The following TCN2 variants were observed in gnomAD, a reference collection of about 807,000 sequenced individuals.
TCN2 encodes the protein transcobalamin 2.
A neutral mutation model predicts 48.6 loss-of-function variants in TCN2; 34 were observed. The ratio of observed to expected loss-of-function variants is 0.70; its 90% confidence interval spans 0.53 to 0.93. The LOEUF (loss-of-function observed/expected upper bound fraction) is 0.93. TCN2 is among the 40% of genes least tolerant of loss of function. TCN2 has a pLI of 0.00. For synonymous variants in TCN2, 283 were observed against 212.5 expected, an observed-to-expected ratio of 1.33 and a Z score of -2.89; for missense variants, 652 against 526.1, an observed-to-expected ratio of 1.24 and a Z score of -2.34.
At chr22:30,617,225 A>C (rs949384125) in intron 6 of TCN2, 105 bp from the exon 7 acceptor site, 11 of 1,497,274 alleles carry the variant, frequency 7.3e-6, no homozygotes, top group African/African-American at 5.5e-5. Flanking sequence ...AGATGAGGAC[A>C]TGGGGAAGGA....
At chr22:30,610,310 G>C in intron 1 of TCN2, 1 of 470,748 alleles carries the variant, frequency 2.1e-6, no homozygotes, top group Admixed American at 2.4e-5. Flanking sequence ...CCAGCTGGAA[G>C]TTTGCGTTGT....
intron 7 of TCN2, 133 bp from the exon 8 acceptor site, chr22:30,622,835 T>G (rs1602055541): frequency 1.2e-6 from 1 of 866,052 alleles, no homozygotes. Flanking sequence ...TGTGGCCAGG[T>G]GGCCTGGGAA....
intron 8 of TCN2, among the ~76,000 whole-genome samples, chr22:30,626,050 C>T (rs536655170): frequency 6.6e-6 from 1 of 152,254 alleles, no homozygotes; most frequent in East Asian, 1.9e-4. Flanking sequence ...TCCAGAGTCA[C>T]AGCAGTAATG....
chr22:30,612,482 G>A lies in TCN2; in HGVS notation c.258-391G>A, dbSNP rs186640922. Among the ~76,000 whole-genome samples the A allele has an allele frequency of 9.9e-5, 15 of 151,950 alleles. No individual in the cohort carries two copies. In the East Asian group the frequency reaches 2.3e-3, roughly 24 times the overall value. On this transcript the variant is annotated intron_variant, in intron 2 of 8. Transcript: ENST00000215838. ...GAAGAATCGCTTGAACTCGGGAGGC[G>A]GAGGTTGCAGTGAGCTGAGAACATG... is the stretch of plus-strand genomic sequence containing the variant.
chr22:30,618,300 C>G (rs1460760580), intron 7 of TCN2, among the ~76,000 whole-genome samples: 1 of 151,024 alleles, frequency 6.6e-6, no homozygotes, highest in Non-Finnish European at 1.5e-5. Flanking sequence ...GAGTCTCACT[C>G]TATTACCCAG....
intron 8 of TCN2, among the ~76,000 whole-genome samples, chr22:30,624,790 C>T (rs995159950): frequency 6.6e-6 from 1 of 152,198 alleles, no homozygotes; most frequent in Non-Finnish European, 1.5e-5. Context: ...CTTCCCAAAT[C>T]AACCAGTTGC....
At chr22:30,623,947 C>CATATATACACACACAT (rs1405645109) in intron 8 of TCN2, among the ~76,000 whole-genome samples, 6,297 of 26,684 alleles carry the variant, frequency 0.24, 2,318 homozygotes, top group Middle Eastern at 0.5. Flanking sequence ...TACACACACA[C>CATATATACACACACAT]ATATGTATAC....
chr22:30,611,138 C>G, intron 2 of TCN2, 75 bp downstream of exon 2: 1 of 1,593,840 alleles, frequency 6.3e-7, no homozygotes, highest in South Asian at 1.1e-5. Flanking sequence ...TAGTTTGGGC[C>G]TGTCACCACT....
rs9606756 is a variant in TCN2, at chr22:30,610,873, A to G, written c.67A>G (p.Ile23Val). The change falls in exon 2 of 9, where the codon ATA becomes GTA. Residue 23 changes from isoleucine (I) to valine (V), a missense_variant and splice_region_variant. By Grantham distance (29) the Ile-to-Val change is conservative. Transcript: ENST00000215838. ...VLGALTEMCE[I>V]PEMDSHLVEK... ...TTTGTACCATTTTCTTTTCTAAGAA[A>G]TACCAGAGATGGACAGCCATCTGGT... The G allele has an allele frequency of 0.12, 196,685 of 1,613,936 alleles. 12,749 individuals carry two copies. The highest frequency in any genetic ancestry group is 0.16 in the Admixed American group (9,803 of 60,006).
chr22:30,617,117 G>A (rs905070645), intron 6 of TCN2, among the ~76,000 whole-genome samples: 1 of 151,404 alleles, frequency 6.6e-6, no homozygotes, highest in African/African-American at 2.4e-5. Flanking sequence ...GAGGGACAGG[G>A]GAGGCCGGGA....
At chr22:30,618,936 A>T (rs2087656673) in intron 7 of TCN2, among the ~76,000 whole-genome samples, 1 of 152,068 alleles carries the variant, frequency 6.6e-6, no homozygotes, top group Admixed American at 6.6e-5. Flanking sequence ...TACCTGGCTA[A>T]TGTTTATATT....
In TCN2 at chr22:30,626,542, A is replaced by T. The variant is rs1244210879; in HGVS notation, c.*21A>T. 1.2e-6 allele frequency: 2 copies of T among 1,613,752 alleles called. No individual in the cohort carries two copies. The highest frequency in any genetic ancestry group is 3.3e-5 in the Admixed American group (2 of 60,014). ...GGTAGCCCCTGAGCTCCCTCATCCC[A>T]GCAGCCTCGCACACTCCCTAGGCTT... is the stretch of plus-strand genomic sequence containing the variant. On this transcript the variant is annotated 3_prime_UTR_variant, in exon 9 of 9. Transcript: ENST00000215838.
In TCN2 at chr22:30,626,554, C is replaced by T. The variant is rs1185637749; in HGVS notation, c.*33C>T. ...GCTCCCTCATCCCAGCAGCCTCGCA[C>T]ACTCCCTAGGCTTCTACCCTCCCTC... On this transcript the variant is annotated 3_prime_UTR_variant, in exon 9 of 9. Coordinates refer to ENST00000215838, the MANE Select transcript of TCN2 (RefSeq NM_000355.4). The T allele has an allele frequency of 4.3e-6, 7 of 1,611,508 alleles. No homozygotes were observed. The Admixed American group carries it at 6.7e-5, about 15-fold the overall frequency.
intron 7 of TCN2, 42 bp downstream of exon 7, chr22:30,617,537 C>T (rs1171894742): frequency 6.2e-7 from 1 of 1,613,214 alleles, no homozygotes; most frequent in Non-Finnish European, 8.5e-7. Flanking sequence ...CCCAACCTCA[C>T]ATGCCTGATA....
chr22:30,613,276 T>G (rs963701471), intron 3 of TCN2, among the ~76,000 whole-genome samples: 2 of 152,094 alleles, frequency 1.3e-5, no homozygotes, highest in African/African-American at 4.8e-5. Context: ...GTTTTTTGTT[T>G]TTTGTTTGTT....
In TCN2 at chr22:30,608,014, C is replaced by G. The variant is rs574738577; in HGVS notation, c.64+619C>G. On this transcript the variant is annotated intron_variant, in intron 1 of 8. Coordinates refer to ENST00000215838, the MANE Select transcript of TCN2 (RefSeq NM_000355.4). ...TTCTAGGCAGCAGGAAGTGAGCCTT[C>G]GGAGGTCCTGCCTGCTCCAGCTCTG... 2.6e-5 allele frequency among the ~76,000 whole-genome samples: 4 copies of G among 152,256 alleles called. No homozygotes were observed. In the South Asian group the frequency reaches 8.3e-4, roughly 32 times the overall value.
At chr22:30,626,228 GC>G (rs374335708) in intron 8 of TCN2, among the ~76,000 whole-genome samples, 11 of 152,084 alleles carry the variant, frequency 7.2e-5, no homozygotes, top group African/African-American at 2.7e-4. Context: ...AAAGACAGTG[GC>G]CCTGCCTGTC....
chr22:30,607,379 C>T lies in TCN2; in HGVS notation c.48C>T (p.Ala16=). The T allele has an allele frequency of 6.2e-7, 1 of 1,614,088 alleles. No individual in the cohort carries two copies. The highest frequency in any genetic ancestry group is 8.5e-7 in the Non-Finnish European group (1 of 1,180,006). The change falls in exon 1 of 9, where the codon GCC becomes GCT. Residue 16 remains alanine, a synonymous_variant. Coordinates refer to ENST00000215838, the MANE Select transcript of TCN2 (RefSeq NM_000355.4). ...AFLFLLGVLG[A]LTEMCEIPEM... is the part of the protein sequence containing the mutation. ...TCTTCCTTCTGGGGGTCCTGGGGGC[C>T]CTCACTGAGATGTGTGGTGAGTAAC...
intron 4 of TCN2, 97 bp downstream of exon 4, chr22:30,614,598 T>C: frequency 6.6e-7 from 1 of 1,524,380 alleles, no homozygotes; most frequent in Non-Finnish European, 8.9e-7. Context: ...CACTCACCTT[T>C]CCTTGGGGCT....
Sources: gnomAD v4.1 joint callset for allele counts (sites outside exome capture counted in the v4.1 genomes callset) on GRCh38, gnomAD v4.1.1 for gene constraint, MANE v1.5 for transcripts, NCBI Gene and HGNC (gene_info 2026-07-23, HGNC 2026-07-21) for gene names.